Variants in GPATCH2L observed in about 807,000 individuals in gnomAD.
The protein encoded by GPATCH2L is G patch domain-containing protein 2-like.
Under a neutral mutation model 57.4 loss-of-function variants are expected in GPATCH2L, and 31 were observed. The ratio of observed to expected loss-of-function variants is 0.54; its 90% CI spans 0.41 to 0.73. The LOEUF is 0.73. Ranked by LOEUF, GPATCH2L falls within the 30% of genes least tolerant of loss-of-function variation. GPATCH2L has a pLI of 0.00. For missense variants in GPATCH2L, 481 were observed against 599.9 expected, an observed-to-expected ratio of 0.80 and a Z score of 2.07; for synonymous variants, 199 against 210.7, an observed-to-expected ratio of 0.94 and a Z score of 0.48.
At chr14:76,188,228 T>C (rs2039843857) in intron 8 of GPATCH2L, among the ~76,000 whole-genome samples, 1 of 152,076 alleles carries the variant, frequency 6.6e-6, no homozygotes, top group African/African-American at 2.4e-5. Context: ...TTTTGGGTAT[T>C]TACCCAATAG....
At chr14:76,160,439 C>T (rs1311005930) in intron 2 of GPATCH2L, among the ~76,000 whole-genome samples, 1 of 152,078 alleles carries the variant, frequency 6.6e-6, no homozygotes, top group Non-Finnish European at 1.5e-5. Context: ...AAAAAATCGC[C>T]CTAAAACTTA....
chr14:76,197,241 C>T (rs1281974230), intron 9 of GPATCH2L, among the ~76,000 whole-genome samples: 1 of 152,126 alleles, frequency 6.6e-6, no homozygotes, highest in Non-Finnish European at 1.5e-5. Flanking sequence ...GACTGTGCAT[C>T]AAAACTCAGA....
intron 1 of GPATCH2L, among the ~76,000 whole-genome samples, chr14:76,219,679 C>T (rs546223865): frequency 2.0e-4 from 30 of 152,208 alleles, no homozygotes. Context: ...CCAGGTCATA[C>T]ATACAGACAG....
rs796831324 is a variant in GPATCH2L at position 76,151,996 on chromosome 14, G to C, written c.-11+5G>C. On this transcript the variant is annotated splice_donor_5th_base_variant and intron_variant, in intron 1 of 9. Coordinates refer to ENST00000261530, the MANE Select transcript of GPATCH2L (RefSeq NM_017926.4). Reference sequence around the variant, plus strand: ...TGGAGGTGGCTGCGGCAGCTGGTGAGGGGGAGGAATGGGTTGAGAGTGTTG... The same window carrying C: ...TGGAGGTGGCTGCGGCAGCTGGTGACGGGGAGGAATGGGTTGAGAGTGTTG... The C allele has an allele frequency of 3.2e-5, 5 of 154,602 alleles. No individual in the cohort carries two copies. Among genetic ancestry groups the C allele is most frequent in the East Asian group, 3.8e-4 (2 of 5,256 alleles). 9.6% of individuals were successfully genotyped at this position (154,602 alleles called of 1,614,324 possible). A position where few individuals can be genotyped will look rare whatever the true frequency, so the allele number is the denominator to read the frequency against.
chr14:76,231,622 T>TATACACAC (rs2040562117), intron 2 of GPATCH2L, among the ~76,000 whole-genome samples: 2 of 147,366 alleles, frequency 1.4e-5, no homozygotes, highest in South Asian at 2.2e-4. Flanking sequence ...ACTAAACACA[T>TATACACAC]ACACACACAC....
chr14:76,152,578 C>A, intron 1 of GPATCH2L: 1 of 447,566 alleles, frequency 2.2e-6, no homozygotes, highest in Non-Finnish European at 4.5e-6. Context: ...CATCTCTGCC[C>A]GGGTGCGTGC....
rs566928548 is a variant in GPATCH2L at position 76,211,786 on chromosome 14, C to G, written c.*9935C>G. On this transcript the variant is annotated 3_prime_UTR_variant, in exon 10 of 10. Coordinates refer to ENST00000261530, the MANE Select transcript of GPATCH2L (RefSeq NM_017926.4). ...CCAATCTGCTGGCTCACACTAAGTT[C>G]TGATCCCATGATTTTGGTCTCATTA... The G allele has an allele frequency of 3.9e-5, 6 of 152,270 alleles. No homozygotes were observed. In the South Asian group the frequency reaches 1.2e-3, roughly 32 times the overall value. 9.4% of individuals were successfully genotyped at this position (152,270 alleles called of 1,614,324 possible).
intron 8 of GPATCH2L, among the ~76,000 whole-genome samples, chr14:76,187,004 T>G (rs1048925546): frequency 1.3e-5 from 2 of 149,378 alleles, no homozygotes; most frequent in African/African-American, 4.9e-5. Flanking sequence ...CCTCCTCTGT[T>G]TCCTATGATA....
chr14:76,226,362 T>C (rs992674398), intron 1 of GPATCH2L, among the ~76,000 whole-genome samples: 10 of 152,226 alleles, frequency 6.6e-5, no homozygotes, highest in Non-Finnish European at 2.9e-5. Flanking sequence ...GAATACATTG[T>C]ATGATTCCAT....
chr14:76,218,126 A>G (rs1048686446), downstream of GPATCH2L, among the ~76,000 whole-genome samples: 3 of 152,176 alleles, frequency 2.0e-5, no homozygotes, highest in African/African-American at 7.2e-5. Context: ...AATTGAGAAT[A>G]CCAGAAGCAA....
intron 2 of GPATCH2L, among the ~76,000 whole-genome samples, chr14:76,232,929 T>C (rs371411890): frequency 2.3e-4 from 35 of 152,224 alleles, no homozygotes; most frequent in African/African-American, 8.0e-4. Context: ...GGATACTGCA[T>C]GGCCCAATGT....
intron 7 of GPATCH2L, chr14:76,179,511 T>G (rs1161092623): frequency 6.6e-6 from 1 of 152,182 alleles, no homozygotes; most frequent in Non-Finnish European, 1.5e-5. Flanking sequence ...CTGATCCAGA[T>G]CCGTTATTTG....
chr14:76,177,652 G>T (rs2039386555), intron 6 of GPATCH2L, among the ~76,000 whole-genome samples: 1 of 146,836 alleles, frequency 6.8e-6, no homozygotes, highest in African/African-American at 2.5e-5. Context: ...TATTTCTGTT[G>T]TTCAGTCTTT....
At chr14:76,229,129 A>G (rs2040549176) in intron 1 of GPATCH2L, among the ~76,000 whole-genome samples, 1 of 152,156 alleles carries the variant, frequency 6.6e-6, no homozygotes, top group Admixed American at 6.5e-5. Flanking sequence ...CATCAAGAAA[A>G]ACAAGACTTC....
intron 9 of GPATCH2L, chr14:76,196,451 T>G (rs2040156052): frequency 5.0e-6 from 1 of 199,590 alleles, no homozygotes; most frequent in East Asian, 1.3e-4. Flanking sequence ...TTTTTTTTTT[T>G]TTTTTTAACA....
intron 4 of GPATCH2L, 47 bp from the exon 5 acceptor site, chr14:76,173,499 T>C (rs778295927): frequency 4.9e-6 from 6 of 1,220,532 alleles, no homozygotes; most frequent in Admixed American, 1.8e-5. Flanking sequence ...TAGGATTGCA[T>C]ATGGATTTTC....
chr14:76,194,701 G>A (rs1296679456), intron 8 of GPATCH2L, among the ~76,000 whole-genome samples: 1 of 151,980 alleles, frequency 6.6e-6, no homozygotes, highest in South Asian at 2.1e-4. Flanking sequence ...CTACTGATTA[G>A]GAGTTTATCT....
chr14:76,205,369 A>G lies in GPATCH2L; in HGVS notation c.*3518A>G, dbSNP rs1595002716. 2 of 152,236 alleles carry G rather than the reference A, an allele frequency of 1.3e-5. No homozygotes were observed. The allele number at this position is 152,236 out of a possible 1,614,324, so 9.4% of individuals were successfully genotyped here. A position where few individuals can be genotyped will look rare whatever the true frequency, so the allele number is the denominator to read the frequency against. ...CTGAGTATAATTTTTACTGAGTGGT[A>G]TGTGGTTGGAAAATAGGCCACATTT... On this transcript the variant is annotated 3_prime_UTR_variant, in exon 10 of 10. Coordinates refer to ENST00000261530, the MANE Select transcript of GPATCH2L (RefSeq NM_017926.4).
At chr14:76,165,992 G>C (rs2591094) in intron 2 of GPATCH2L, among the ~76,000 whole-genome samples, 116,821 of 152,176 alleles carry the variant, frequency 0.77, 45,848 homozygotes, top group South Asian at 0.88. Context: ...AGCACACCAT[G>C]AGAAGAAACA....
Sources: allele counts gnomAD v4.1 joint callset (sites outside exome capture counted in the v4.1 genomes callset), GRCh38; gene constraint gnomAD v4.1.1; transcripts MANE v1.5; gene names NCBI Gene and HGNC (gene_info 2026-07-23, HGNC 2026-07-21).